The following KCNIP4 variants were observed in gnomAD, a reference collection of about 807,000 sequenced individuals.
KCNIP4 encodes the protein Kv channel-interacting protein 4.
In KCNIP4, 12 loss-of-function variants were observed where a neutral mutation model predicts 34.0. The observed-to-expected ratio is 0.35, with a 90% CI of 0.23 to 0.57. The LOEUF is 0.57. KCNIP4 is among the 20% of genes least tolerant of loss of function. The pLI is 0.83. For missense variants in KCNIP4, 238 were observed against 311.7 expected (o/e 0.76, Z 1.78); for synonymous variants, 124 against 102.2 (o/e 1.21, Z -1.29).
intron 1 of KCNIP4, among the ~76,000 whole-genome samples, chr4:20,966,461 TA>T (rs1371529258): frequency 2.6e-5 from 4 of 151,966 alleles, no homozygotes; most frequent in East Asian, 3.9e-4. Flanking sequence ...ATTTAGAAAA[TA>T]AAAAAAGAAC....
chr4:20,922,222 G>A (rs986209298), intron 1 of KCNIP4, among the ~76,000 whole-genome samples: 6 of 152,118 alleles, frequency 3.9e-5, no homozygotes, highest in Non-Finnish European at 7.4e-5. Flanking sequence ...TATCTGTGAG[G>A]GTGTTAACTG....
intron 1 of KCNIP4, among the ~76,000 whole-genome samples, chr4:21,471,583 C>A (rs1730472967): frequency 6.6e-6 from 1 of 152,050 alleles, no homozygotes; most frequent in Non-Finnish European, 1.5e-5. Context: ...ACAGGCTCTG[C>A]CAATATTTAT....
intron 1 of KCNIP4, among the ~76,000 whole-genome samples, chr4:21,140,171 C>T (rs1751834878): frequency 6.6e-6 from 1 of 152,050 alleles, no homozygotes; most frequent in East Asian, 1.9e-4. Flanking sequence ...TATAGATTGC[C>T]GTCAGGCTGC....
intron 1 of KCNIP4, among the ~76,000 whole-genome samples, chr4:20,937,049 A>T (rs1235938980): frequency 1.3e-5 from 2 of 151,930 alleles, no homozygotes; most frequent in Non-Finnish European, 2.9e-5. Flanking sequence ...GCATTATGAA[A>T]GGAAAGAAGA....
chr4:21,224,975 C>T (rs939980004), intron 1 of KCNIP4, among the ~76,000 whole-genome samples: 3 of 152,072 alleles, frequency 2.0e-5, no homozygotes, highest in African/African-American at 7.2e-5. Flanking sequence ...TATTCAACAC[C>T]TTATTATAAA....
In KCNIP4 at chr4:21,879,704, T is replaced by C. The variant is rs114350759; in HGVS notation, c.61+68867A>G. ...ATTATTTTCTTGTTTCGATAATTCA[T>C]ATATTATTTTTATTTTTATATAATT... is the stretch of plus-strand genomic sequence containing the variant. On this transcript the variant is annotated intron_variant, in intron 1 of 8. Transcript: ENST00000382152. 7.7e-3 allele frequency among the ~76,000 whole-genome samples: 1,179 copies of C among 152,318 alleles called. 15 individuals are homozygous for C. The highest frequency in any genetic ancestry group is 0.027 in the African/African-American group (1,121 of 41,560).
intron 1 of KCNIP4, among the ~76,000 whole-genome samples, chr4:21,025,311 T>C (rs999647359): frequency 9.2e-5 from 14 of 151,936 alleles, no homozygotes; most frequent in Non-Finnish European, 1.5e-4. Context: ...CCATACTGAG[T>C]AGCTGGAAGA....
intron 1 of KCNIP4, among the ~76,000 whole-genome samples, chr4:21,266,513 T>C (rs1308850278): frequency 6.6e-6 from 1 of 152,212 alleles, no homozygotes; most frequent in Non-Finnish European, 1.5e-5. Flanking sequence ...ATTCCCTGGA[T>C]TTAGCCAGAA....
chr4:21,386,803 T>C (rs2322961), intron 1 of KCNIP4, among the ~76,000 whole-genome samples: 115,827 of 152,016 alleles, frequency 0.76, 45,949 homozygotes, highest in Non-Finnish European at 0.89. Flanking sequence ...GCTTATCTTT[T>C]TGCAGGTATA....
At chr4:21,947,506 G>C (rs958577950) in intron 1 of KCNIP4, among the ~76,000 whole-genome samples, 1 of 152,190 alleles carries the variant, frequency 6.6e-6, no homozygotes, top group African/African-American at 2.4e-5. Context: ...GTGAGGAAAA[G>C]AAAGGGAGGG....
At chr4:21,663,263 C>T (rs1240890396) in intron 1 of KCNIP4, among the ~76,000 whole-genome samples, 1 of 152,112 alleles carries the variant, frequency 6.6e-6, no homozygotes, top group East Asian at 1.9e-4. Context: ...TAATGGATGA[C>T]ATTAAAATGT....
At chr4:21,307,589 A>T (rs1712627329) in intron 1 of KCNIP4, among the ~76,000 whole-genome samples, 2 of 152,136 alleles carry the variant, frequency 1.3e-5, no homozygotes, top group South Asian at 4.1e-4. Context: ...AATATCCTCA[A>T]TCCCAGAATG....
intron 1 of KCNIP4, among the ~76,000 whole-genome samples, chr4:21,032,738 A>G (rs1374303552): frequency 6.6e-6 from 1 of 150,582 alleles, no homozygotes; most frequent in African/African-American, 2.5e-5. Flanking sequence ...ATGATAGTTC[A>G]GGAAACCTTG....
chr4:21,286,198 A>ATCTT (rs1763110965), intron 1 of KCNIP4, among the ~76,000 whole-genome samples: 1 of 152,212 alleles, frequency 6.6e-6, no homozygotes, highest in Non-Finnish European at 1.5e-5. Flanking sequence ...TAAGTAGCCA[A>ATCTT]GAGGTCTGAA....
intron 1 of KCNIP4, among the ~76,000 whole-genome samples, chr4:21,283,743 A>G (rs1233864748): frequency 6.6e-6 from 1 of 151,844 alleles, no homozygotes; most frequent in African/African-American, 2.4e-5. Flanking sequence ...TGGCACATGT[A>G]TACATATGTA....
intron 1 of KCNIP4, among the ~76,000 whole-genome samples, chr4:20,939,320 T>G (rs1316525954): frequency 6.6e-6 from 1 of 152,146 alleles, no homozygotes; most frequent in Non-Finnish European, 1.5e-5. Context: ...AGATTTCCGA[T>G]GCTTCCCTCA....
intron 1 of KCNIP4, among the ~76,000 whole-genome samples, chr4:21,559,883 G>A (rs2109030421): frequency 6.6e-6 from 1 of 152,148 alleles, no homozygotes; most frequent in East Asian, 1.9e-4. Flanking sequence ...TAATATCTAA[G>A]TTTGCAGAAA....
chr4:21,001,628 T>C (rs1384410081), intron 1 of KCNIP4, among the ~76,000 whole-genome samples: 4 of 152,136 alleles, frequency 2.6e-5, no homozygotes, highest in South Asian at 2.1e-4. Flanking sequence ...CCTTAAGCAA[T>C]GACAACAGTA....
At chr4:21,247,743 T>TATATATATATATATATATATATAC (rs1406881983) in intron 1 of KCNIP4, among the ~76,000 whole-genome samples, 13 of 120,464 alleles carry the variant, frequency 1.1e-4, no homozygotes, top group Non-Finnish European at 1.8e-4. Context: ...TGGATATATA[T>TATATATATATATATATATATATAC]ATATATATAT....
Sources: allele counts gnomAD v4.1 joint callset (sites outside exome capture counted in the v4.1 genomes callset), GRCh38; gene constraint gnomAD v4.1.1; transcripts MANE v1.5; gene names NCBI Gene and HGNC (gene_info 2026-07-23, HGNC 2026-07-21).